PGBD1: variants seen among roughly 807,000 people sequenced by gnomAD.
PGBD1 encodes piggyBac transposable element derived 1.
A neutral mutation model predicts 34.7 loss-of-function variants in PGBD1; 25 were observed. The observed-to-expected ratio is 0.72, with a 90% CI of 0.52 to 1.00. PGBD1 has a LOEUF of 1.00. PGBD1 is among the 50% of genes least tolerant of loss of function. The probability of loss-of-function intolerance (pLI) is 0.00; values close to 1 mark genes in which losing one functional copy is unlikely to be tolerated. For missense variants in PGBD1, 830 were observed against 959.4 expected (o/e 0.87, Z 1.78); for synonymous variants, 292 against 335.7 (o/e 0.87, Z 1.42).
intron 3 of PGBD1, among the ~76,000 whole-genome samples, chr6:28,286,134 G>A (rs1193326596): frequency 3.9e-5 from 6 of 152,188 alleles, no homozygotes; most frequent in African/African-American, 1.2e-4. Context: ...GTGAATCGGG[G>A]CAAGGCTGTT....
intron 4 of PGBD1, among the ~76,000 whole-genome samples, chr6:28,295,280 T>C (rs970788274): frequency 2.6e-5 from 4 of 152,226 alleles, no homozygotes; most frequent in Non-Finnish European, 5.9e-5. Context: ...AGATTGAATC[T>C]ACTCCTGGTG....
chr6:28,287,119 A>C lies in PGBD1; in HGVS notation c.593A>C (p.Asn198Thr). ...GGATCAGCTCATCTCCAGGAAAAAA[A>C]CCCCAGAGACAAGGCTGTAGTGCCT... is the stretch of plus-strand genomic sequence containing the variant. ...PHGSAHLQEK[N>T]PRDKAVVPVF... is the part of the protein sequence containing the mutation. The change falls in exon 4 of 7, where the codon AAC becomes ACC. Residue 198 changes from asparagine (N) to threonine (T), a missense_variant. Asn to Thr is a moderately conservative substitution (Grantham distance 65, BLOSUM62 0). Around this residue, in one of 3 missense-constraint regions of PGBD1, gnomAD observed 457 missense variants for 515.4 expected, o/e 0.89. Coordinates refer to ENST00000682144, the MANE Select transcript of PGBD1 (RefSeq NM_032507.4). The C allele has an allele frequency of 1.2e-6, 2 of 1,614,018 alleles. No individual in the cohort carries two copies. The highest frequency in any genetic ancestry group is 8.5e-7 in the Non-Finnish European group (1 of 1,179,990).
At chr6:28,294,794 A>C (rs917233728) in intron 4 of PGBD1, among the ~76,000 whole-genome samples, 1 of 152,260 alleles carries the variant, frequency 6.6e-6, no homozygotes, top group Admixed American at 6.5e-5. Flanking sequence ...TAGTCACACA[A>C]GAGCTCTGAA....
rs564006866 is a variant in PGBD1 at position 28,296,819 on chromosome 6, T to C, written c.646T>C (p.Leu216=). ...PVFNPVRSQT[L]VKTEEETAQA... ...TTTTCTTTTTTTGTCTTTTTAGACA[T>C]TGGTGAAGACTGAGGAAGAAACAGC... The change falls in exon 5 of 7, where the codon TTG becomes CTG. Residue 216 remains leucine, a synonymous_variant. Transcript: ENST00000682144. 1.2e-6 allele frequency: 2 copies of C among 1,613,708 alleles called. No individual in the cohort carries two copies. Among genetic ancestry groups the C allele is most frequent in the Admixed American group, 3.3e-5 (2 of 59,896 alleles).
In PGBD1 at chr6:28,293,148, G is replaced by C. The variant is rs188657567; in HGVS notation, c.643-3668G>C. ...AGTAGAGATGGGGTTTCACCATGTT[G>C]GCCAGGATGGTCTCGATCTCCTGAC... is the stretch of plus-strand genomic sequence containing the variant. On this transcript the variant is annotated intron_variant, in intron 4 of 6. Coordinates refer to ENST00000682144, the MANE Select transcript of PGBD1 (RefSeq NM_032507.4). 2.0e-5 allele frequency among the ~76,000 whole-genome samples: 3 copies of C among 152,082 alleles called. No homozygotes were observed. In the South Asian group the frequency reaches 6.2e-4, roughly 32 times the overall value.
chr6:28,284,359 A>G (rs1581627397), intron 2 of PGBD1, 150 bp downstream of exon 2: 5 of 900,912 alleles, frequency 5.5e-6, no homozygotes, highest in Non-Finnish European at 6.2e-6. Context: ...CAAATTTGCC[A>G]GTTGTTAACA....
rs776958236 is a variant in PGBD1, at chr6:28,301,034, G to A, written c.1180G>A (p.Asp394Asn). 5.0e-6 allele frequency: 8 copies of A among 1,614,134 alleles called. No homozygotes were observed. Among genetic ancestry groups the A allele is most frequent in the Admixed American group, 1.7e-5 (1 of 60,014 alleles). The change falls in exon 7 of 7, where the codon GAC becomes AAC. Residue 394 changes from aspartate (D) to asparagine (N), a missense_variant. Transcript: ENST00000682144. ...CCCAGAAAAGAGTTGGACCAAAAGA[G>A]ACATTAAACCCAATTTTCCAAGCTG... The part of the protein sequence containing the change: ...CFPEKSWTKR[D>N]IKPNFPSWSA...
rs1762868890 is a variant in PGBD1, at chr6:28,302,151, T to C, written c.2297T>C (p.Met766Thr). 1 of 1,614,022 alleles carries C rather than the reference T, an allele frequency of 6.2e-7. No individual in the cohort carries two copies. The highest frequency in any genetic ancestry group is 8.5e-7 in the Non-Finnish European group (1 of 1,180,016). Residue 766 changes from methionine to threonine, a missense_variant, in exon 7 of 7, where the codon ATG becomes ACG. Met to Thr is a moderately conservative substitution (Grantham distance 81). Coordinates refer to ENST00000682144, the MANE Select transcript of PGBD1 (RefSeq NM_032507.4). ...KKWYSILVSY[M>T]IDVAMNNAWQ... ...TGGTACTCAATTTTGGTGAGCTACATGATTGATGTAGCCATGAACAATGCA... is the reference window on the plus strand; with the variant it reads ...TGGTACTCAATTTTGGTGAGCTACACGATTGATGTAGCCATGAACAATGCA...
intron 4 of PGBD1, among the ~76,000 whole-genome samples, chr6:28,292,770 A>G (rs1762500682): frequency 6.6e-6 from 1 of 152,156 alleles, no homozygotes; most frequent in Non-Finnish European, 1.5e-5. Context: ...GAAAAAAAAG[A>G]AAGAAAAATG....
chr6:28,287,600 T>C (rs755095211), intron 4 of PGBD1, among the ~76,000 whole-genome samples: 6 of 152,216 alleles, frequency 3.9e-5, no homozygotes, highest in Non-Finnish European at 8.8e-5. Flanking sequence ...GGAAATTCTA[T>C]ATATCTAAGG....
intron 3 of PGBD1, among the ~76,000 whole-genome samples, chr6:28,286,308 T>C (rs1762283648): frequency 6.6e-6 from 1 of 152,266 alleles, no homozygotes; most frequent in Non-Finnish European, 1.5e-5. Flanking sequence ...TTGATAATTT[T>C]GTACTCTGCC....
At chr6:28,284,325 A>G (rs1213881831) in intron 2 of PGBD1, 116 bp downstream of exon 2, 1 of 1,197,970 alleles carries the variant, frequency 8.3e-7, no homozygotes, top group African/African-American at 1.5e-5. Context: ...AGAAGAATAG[A>G]GAACTCCCGT....
chr6:28,290,379 A>G (rs1762410436), intron 4 of PGBD1, among the ~76,000 whole-genome samples: 1 of 152,190 alleles, frequency 6.6e-6, no homozygotes, highest in Admixed American at 6.5e-5. Flanking sequence ...TACAGGCGTG[A>G]GACACCATGC....
chr6:28,296,136 G>A (rs1320068656), intron 4 of PGBD1, among the ~76,000 whole-genome samples: 1 of 152,100 alleles, frequency 6.6e-6, no homozygotes, highest in Non-Finnish European at 1.5e-5. Context: ...TTCAGTGTAT[G>A]ATTTTTCCAG....
At chr6:28,290,798 C>T (rs969261566) in intron 4 of PGBD1, among the ~76,000 whole-genome samples, 4 of 151,998 alleles carry the variant, frequency 2.6e-5, no homozygotes, top group Non-Finnish European at 5.9e-5. Context: ...CAAGAAAAAC[C>T]TTGGAAACTA....
chr6:28,294,814 C>A (rs143984957), intron 4 of PGBD1, among the ~76,000 whole-genome samples: 8 of 152,284 alleles, frequency 5.3e-5, no homozygotes, highest in Admixed American at 2.0e-4. Flanking sequence ...AGGAGAGGTA[C>A]AAGGAAATTA....
Position 28,296,815 on chromosome 6 carries a change from G to A in PGBD1, c.643-1G>A. On this transcript the variant is annotated splice_acceptor_variant, in intron 4 of 6. Transcript: ENST00000682144. LOFTEE classifies it high-confidence loss of function. ...GCTATTTTCTTTTTTTGTCTTTTTA[G>A]ACATTGGTGAAGACTGAGGAAGAAA... is the stretch of plus-strand genomic sequence containing the variant. The A allele has an allele frequency of 6.2e-7, 1 of 1,613,168 alleles. No individual in the cohort carries two copies. Among genetic ancestry groups the A allele is most frequent in the Non-Finnish European group, 8.5e-7 (1 of 1,179,738 alleles).
rs150882095 is a variant in PGBD1 at position 28,288,771 on chromosome 6, C to T, written c.642+1603C>T. ...TTGGGAGGCTGAGGTGGGTGGATCA[C>T]GAGGTCAGGAGTTCGAGACCAGCCT... On this transcript the variant is annotated intron_variant, in intron 4 of 6. Transcript: ENST00000682144. Among the ~76,000 whole-genome samples, 611 of 151,944 alleles carry T rather than the reference C, an allele frequency of 4.0e-3. 7 individuals are homozygous for T. Among genetic ancestry groups the T allele is most frequent in the South Asian group, 0.016 (79 of 4,818 alleles).
At position 28,283,872 on chromosome 6, in the gene PGBD1, A is replaced by G. The variant is rs374885052; in HGVS notation, c.59A>G (p.Lys20Arg). The G allele has an allele frequency of 1.2e-5, 20 of 1,612,106 alleles. No homozygotes were observed. The African/African-American group carries it at 2.7e-4, about 22-fold the overall frequency. ...AATGAAGATGGCCTTGTGAAAGTGA[A>G]GGAGGAAGATCCCACCTGGGAGCAG... is the stretch of plus-strand genomic sequence containing the variant. ...PENEDGLVKVKEEDPTWEQVC... is the reference protein window; with the variant it reads ...PENEDGLVKVREEDPTWEQVC... The change falls in exon 2 of 7, where the codon AAG becomes AGG. Residue 20 changes from lysine (K) to arginine (R), a missense_variant. Lys to Arg is a conservative substitution (Grantham distance 26). Transcript: ENST00000682144.
Sources: allele counts gnomAD v4.1 joint callset (sites outside exome capture counted in the v4.1 genomes callset), GRCh38; gene constraint gnomAD v4.1.1; regional missense constraint gnomAD v4.1.1; transcripts MANE v1.5; gene names NCBI Gene and HGNC (gene_info 2026-07-23, HGNC 2026-07-21).